TXNDC16: variants seen among roughly 807,000 people sequenced by gnomAD.
TXNDC16 encodes thioredoxin domain-containing protein 16.
In TXNDC16, 74 loss-of-function variants were observed where a neutral mutation model predicts 85.6. That is an observed-to-expected ratio of 0.86 (90% confidence interval 0.72 to 1.05). The LOEUF (loss-of-function observed/expected upper bound fraction) is 1.05, where lower values mean the gene tolerates loss of function less well. Ranked by LOEUF, TXNDC16 falls within the 50% of genes least tolerant of loss-of-function variation. TXNDC16 has a pLI of 0.00. For synonymous variants in TXNDC16, 335 were observed against 326.5 expected (o/e 1.03, Z -0.28); for missense variants, 959 against 947.0 (o/e 1.01, Z -0.17).
intron 7 of TXNDC16, among the ~76,000 whole-genome samples, chr14:52,515,553 C>G (rs1352047511): frequency 6.6e-6 from 1 of 151,836 alleles, no homozygotes; most frequent in African/African-American, 2.4e-5. Flanking sequence ...TTTTACAAGG[C>G]ATATTAATAG....
intron 16 of TXNDC16, among the ~76,000 whole-genome samples, chr14:52,457,882 T>A (rs2035569388): frequency 6.6e-6 from 1 of 152,220 alleles, no homozygotes; most frequent in African/African-American, 2.4e-5. Flanking sequence ...AAGAAGCAAG[T>A]CTGAATTAAA....
rs764010931 is a variant in TXNDC16, at chr14:52,511,297, C to T, written c.699G>A (p.Gln233=). Residue 233 remains glutamine, a synonymous_variant, in exon 9 of 21, where the codon CAG becomes CAA. Coordinates refer to ENST00000281741, the MANE Select transcript of TXNDC16 (RefSeq NM_020784.3). Reference sequence around the variant, plus strand: ...GGTGAATGTTCAGTGTAGTCAATGGCTGTTCCATTAGTGTTCTTCTACATT... The same window carrying T: ...GGTGAATGTTCAGTGTAGTCAATGGTTGTTCCATTAGTGTTCTTCTACATT... The part of the protein sequence containing the change: ...TQQCRRTLME[Q]PLTTLNIHLF... 3.7e-6 allele frequency: 6 copies of T among 1,607,838 alleles called. 1 individual carries two copies. The South Asian group carries it at 4.4e-5, about 12-fold the overall frequency.
chr14:52,535,354 T>A (rs971421802), intron 6 of TXNDC16, among the ~76,000 whole-genome samples: 3 of 152,160 alleles, frequency 2.0e-5, no homozygotes, highest in African/African-American at 7.2e-5. Context: ...TCTACAAGTA[T>A]CAGGGCCCAT....
chr14:52,537,773 G>T, intron 4 of TXNDC16, 101 bp from the exon 5 acceptor site: 1 of 676,822 alleles, frequency 1.5e-6, no homozygotes, highest in Non-Finnish European at 2.5e-6. Flanking sequence ...TTTGTTGCAG[G>T]TCAAATTTTG....
At chr14:52,451,647 C>T (rs1594688741) in intron 18 of TXNDC16, among the ~76,000 whole-genome samples, 1 of 152,010 alleles carries the variant, frequency 6.6e-6, no homozygotes. Flanking sequence ...ACTCAACATC[C>T]CTTCATTAAA....
intron 18 of TXNDC16, among the ~76,000 whole-genome samples, chr14:52,452,169 A>G (rs2035427314): frequency 6.6e-6 from 1 of 152,194 alleles, no homozygotes. Context: ...CATTGATGTA[A>G]GAAACTGAAC....
At chr14:52,456,066 C>T (rs193022017) in intron 17 of TXNDC16, among the ~76,000 whole-genome samples, 2 of 152,292 alleles carry the variant, frequency 1.3e-5, no homozygotes, top group Non-Finnish European at 2.9e-5. Flanking sequence ...CTTTCGCTAA[C>T]TAAACCTAAA....
rs1491407146 is a variant in TXNDC16, at chr14:52,530,247, A to ATT, written c.392+6471_392+6472insAA. On this transcript the variant is annotated intron_variant, in intron 6 of 20. Transcript: ENST00000281741. ...TATAATATTACATATAATAATATATAATATATATTATATAATATATATTAT... is the reference window on the plus strand; with the variant it reads ...TATAATATTACATATAATAATATATATTATATATATTATATAATATATATTAT... 3.7e-3 allele frequency among the ~76,000 whole-genome samples: 170 copies of ATT among 45,952 alleles called. 2 individuals carry two copies. The highest frequency in any genetic ancestry group is 0.023 in the African/African-American group (166 of 7,252). 30.1% of individuals were successfully genotyped at this position (45,952 alleles called of 152,430 possible).
chr14:52,533,827 G>A (rs79802249), intron 6 of TXNDC16, among the ~76,000 whole-genome samples: 3,850 of 152,190 alleles, frequency 0.025, 170 homozygotes, highest in African/African-American at 0.086. Flanking sequence ...GGGTAAGAGC[G>A]GAAAGGCCCT....
At position 52,490,999 on chromosome 14, in the gene TXNDC16, C is replaced by G; in HGVS notation, c.763G>C (p.Val255Leu). 8.0e-7 allele frequency: 1 copy of G among 1,254,210 alleles called. No individual in the cohort carries two copies. The highest frequency in any genetic ancestry group is 1.4e-5 in the South Asian group (1 of 72,572). The allele number at this position is 1,254,210 out of a possible 1,614,324, so 77.7% of individuals were successfully genotyped here. A position where few individuals can be genotyped will look rare whatever the true frequency, so the allele number is the denominator to read the frequency against. The stretch of plus-strand genomic sequence containing the variant: ...GAAACTTGTTGAGGATCTTCAGCAA[C>G]TTCAGTCTTCATTGAAAAAAAAAAA... ...KTMKAPLLTE[V>L]AEDPQQVSTV... Residue 255 changes from valine (V) to leucine (L), a missense_variant, in exon 10 of 21, where the codon GTT becomes CTT. Val to Leu is a conservative substitution (Grantham distance 32, BLOSUM62 1). Transcript: ENST00000281741.
intron 18 of TXNDC16, among the ~76,000 whole-genome samples, chr14:52,454,738 C>G (rs2140114781): frequency 6.7e-6 from 1 of 149,764 alleles, no homozygotes; most frequent in Admixed American, 6.6e-5. Context: ...ATTGCTTGAA[C>G]CCGGGAGGCG....
chr14:52,459,735 A>C (rs1383427345), intron 16 of TXNDC16, among the ~76,000 whole-genome samples: 1 of 152,242 alleles, frequency 6.6e-6, no homozygotes, highest in African/African-American at 2.4e-5. Context: ...AGTAGGCTTC[A>C]TCCCTGGGAT....
At chr14:52,447,588 T>A (rs1264366706) in intron 18 of TXNDC16, among the ~76,000 whole-genome samples, 1 of 152,058 alleles carries the variant, frequency 6.6e-6, no homozygotes, top group Non-Finnish European at 1.5e-5. Context: ...CTCCATTTGT[T>A]TGGGAGAAAG....
chr14:52,501,128 A>C (rs1594733980), intron 9 of TXNDC16, among the ~76,000 whole-genome samples: 1 of 152,188 alleles, frequency 6.6e-6, no homozygotes, highest in African/African-American at 2.4e-5. Context: ...TAAGATTGAA[A>C]TTCACTTAAA....
chr14:52,540,158 C>T (rs1226555160), intron 4 of TXNDC16, among the ~76,000 whole-genome samples: 1 of 152,184 alleles, frequency 6.6e-6, no homozygotes, highest in East Asian at 1.9e-4. Context: ...TTGTATCCAG[C>T]TTGACATTCA....
chr14:52,472,727 CTTTAT>C lies in TXNDC16; in HGVS notation c.1313-2052_1313-2048del, dbSNP rs370841934. Among the ~76,000 whole-genome samples, 31 of 152,206 alleles carry C rather than the reference CTTTAT, an allele frequency of 2.0e-4. No individual in the cohort carries two copies. The East Asian group carries it at 3.9e-3, about 19-fold the overall frequency. On this transcript the variant is annotated intron_variant, in intron 14 of 20. Transcript: ENST00000281741. ...GACTTCCTATCAAAGTTCTCTTATC[CTTTAT>C]TTTAATCATTTTGATATAGGAGTGA...
At chr14:52,457,271 T>C in intron 16 of TXNDC16, 97 bp from the exon 17 acceptor site, 2 of 617,512 alleles carry the variant, frequency 3.2e-6, no homozygotes, top group East Asian at 3.2e-5. Flanking sequence ...ATTTCATTAT[T>C]AATTAATTAC....
chr14:52,523,137 G>C (rs867682718), intron 6 of TXNDC16, among the ~76,000 whole-genome samples: 2 of 152,132 alleles, frequency 1.3e-5, no homozygotes, highest in South Asian at 4.1e-4. Flanking sequence ...CCAAAGAGGA[G>C]AAATACTGAC....
At chr14:52,508,215 A>C (rs1322883887) in intron 9 of TXNDC16, among the ~76,000 whole-genome samples, 2 of 152,228 alleles carry the variant, frequency 1.3e-5, no homozygotes, top group East Asian at 3.8e-4. Flanking sequence ...AAACAAATTT[A>C]CAAGAGAAAA....
Sources: allele counts gnomAD v4.1 joint callset (sites outside exome capture counted in the v4.1 genomes callset), GRCh38; gene constraint gnomAD v4.1.1; transcripts MANE v1.5; gene names NCBI Gene and HGNC (gene_info 2026-07-23, HGNC 2026-07-21).